OR2T33: variants seen among roughly 807,000 people sequenced by gnomAD.
The protein encoded by OR2T33 is olfactory receptor 2T33.
In OR2T33, 10 loss-of-function variants were observed where a neutral mutation model predicts 14.0. The observed-to-expected ratio is 0.72, with a 90% CI of 0.44 to 1.22. The LOEUF (loss-of-function observed/expected upper bound fraction) is 1.22. Ranked by LOEUF, OR2T33 falls within the 50% of genes most tolerant of loss-of-function variation. OR2T33 has a pLI of 0.00. For missense variants in OR2T33, 276 were observed against 405.9 expected (o/e 0.68, Z 2.75); for synonymous variants, 103 against 159.4 (o/e 0.65, Z 2.66).
At position 248,271,171 on chromosome 1, in the gene OR2T33, C is replaced by T. The variant is rs569989691; in HGVS notation, c.*1681G>A. ...TCTCCTGTATATTAGGCTTAATTTT[C>T]TGGTTAGAATATTTTATCCTTACAA... On this transcript the variant is annotated 3_prime_UTR_variant, in exon 2 of 2. Transcript: ENST00000641220. The T allele has an allele frequency of 5.9e-5, 9 of 152,208 alleles. No homozygotes were observed. Among genetic ancestry groups the T allele is most frequent in the Admixed American group, 3.3e-4 (5 of 15,278 alleles). 9.4% of individuals were successfully genotyped at this position (152,208 alleles called of 1,614,324 possible).
intron 1 of OR2T33, among the ~76,000 whole-genome samples, chr1:248,274,248 C>G (rs1334383320): frequency 1.3e-5 from 2 of 152,012 alleles, no homozygotes; most frequent in Non-Finnish European, 2.9e-5. Context: ...TTTTGGAAAC[C>G]CAAACATATT....
chr1:248,277,898 G>C lies in OR2T33; in HGVS notation c.-142C>G, dbSNP rs12062562. ...TGCCTCTGGTCTCATGCTCTATTTAGTTAAAAATCCTATGTGGTCACTGAA... is the reference window on the plus strand; with the variant it reads ...TGCCTCTGGTCTCATGCTCTATTTACTTAAAAATCCTATGTGGTCACTGAA... On this transcript the variant is annotated 5_prime_UTR_variant, in exon 1 of 2. Coordinates refer to ENST00000641220, the MANE Select transcript of OR2T33 (RefSeq NM_001004695.2). 6.6e-6 allele frequency: 1 copy of C among 152,034 alleles called. No individual in the cohort carries two copies. Among genetic ancestry groups the C allele is most frequent in the Non-Finnish European group, 1.5e-5 (1 of 67,992 alleles). 9.4% of individuals were successfully genotyped at this position (152,034 alleles called of 1,614,324 possible).
At chr1:248,275,234 A>G (rs1438965612) in intron 1 of OR2T33, among the ~76,000 whole-genome samples, 2 of 152,214 alleles carry the variant, frequency 1.3e-5, no homozygotes, top group Non-Finnish European at 2.9e-5. Flanking sequence ...GAGCATTCAG[A>G]TGTGAGCAGA....
Position 248,273,787 on chromosome 1 carries a change from A to C in OR2T33, c.28T>G (p.Phe10Val). The C allele has an allele frequency of 6.2e-7, 1 of 1,612,242 alleles. No individual in the cohort carries two copies. The highest frequency in any genetic ancestry group is 8.5e-7 in the Non-Finnish European group (1 of 1,178,622). Reference sequence around the variant, plus strand: ...TGGTTAAAGAGTCCTAGGAGAATAAAATCTGGGGTAGTATTTCTCATCTCC... The same window carrying C: ...TGGTTAAAGAGTCCTAGGAGAATAACATCTGGGGTAGTATTTCTCATCTCC... MEMRNTTPD[F>V]ILLGLFNHTR... Residue 10 changes from phenylalanine to valine, a missense_variant, in exon 2 of 2, where the codon TTT (phenylalanine) becomes GTT (valine). By Grantham distance (50) the Phe-to-Val change is conservative. Transcript: ENST00000641220.
chr1:248,272,746 A>T lies in OR2T33; in HGVS notation c.*106T>A. The T allele has an allele frequency of 7.2e-7, 1 of 1,386,534 alleles. No homozygotes were observed. The highest frequency in any genetic ancestry group is 1.4e-5 in the African/African-American group (1 of 69,094). The allele number at this position is 1,386,534 out of a possible 1,614,324, so 85.9% of individuals were successfully genotyped here. ...TTAATTCTTAAAAATATCCTATTAT[A>T]TCAATGCAAAAACTTAATTTTCTCT... On this transcript the variant is annotated 3_prime_UTR_variant, in exon 2 of 2. Transcript: ENST00000641220.
chr1:248,270,905 G>A lies in OR2T33; in HGVS notation c.*1947C>T, dbSNP rs1202993399. ...TACAGATGTTTGACAAAATACTTTT[G>A]TCCAGAATAAATAAAAAATTTAAAA... is the stretch of plus-strand genomic sequence containing the variant. On this transcript the variant is annotated 3_prime_UTR_variant, in exon 2 of 2. Transcript: ENST00000641220. 1.3e-5 allele frequency: 2 copies of A among 151,956 alleles called. No individual in the cohort carries two copies. Among genetic ancestry groups the A allele is most frequent in the African/African-American group, 4.8e-5 (2 of 41,374 alleles). The allele number at this position is 151,956 out of a possible 1,614,324, so 9.4% of individuals were successfully genotyped here. A position where few individuals can be genotyped will look rare whatever the true frequency, so the allele number is the denominator to read the frequency against.
chr1:248,276,062 G>A (rs967892168), intron 1 of OR2T33, among the ~76,000 whole-genome samples: 2 of 152,132 alleles, frequency 1.3e-5, no homozygotes, highest in African/African-American at 2.4e-5. Flanking sequence ...GTTTCGGGAT[G>A]ATACTGTTTC....
rs569759805 is a variant in OR2T33, at chr1:248,272,612, C to T, written c.*240G>A. 6.6e-5 allele frequency: 33 copies of T among 501,336 alleles called. No homozygotes were observed. Among genetic ancestry groups the T allele is most frequent in the African/African-American group, 6.1e-4 (32 of 52,294 alleles). The allele number at this position is 501,336 out of a possible 1,614,324, so 31.1% of individuals were successfully genotyped here. A position where few individuals can be genotyped will look rare whatever the true frequency, so the allele number is the denominator to read the frequency against. ...AAAGTAGGAGATATTGTCAACAGTA[C>T]TTATATCATGGGGTTGTTGTAGGAT... On this transcript the variant is annotated 3_prime_UTR_variant, in exon 2 of 2. Coordinates refer to ENST00000641220, the MANE Select transcript of OR2T33 (RefSeq NM_001004695.2).
At chr1:248,275,635 C>T (rs558807020) in intron 1 of OR2T33, among the ~76,000 whole-genome samples, 2 of 151,794 alleles carry the variant, frequency 1.3e-5, no homozygotes, top group Non-Finnish European at 2.9e-5. Flanking sequence ...CACCATCGCG[C>T]GTGTATACCT....
Position 248,271,960 on chromosome 1 carries a change from A to G in OR2T33, c.*892T>C, listed in dbSNP as rs1162297493. On this transcript the variant is annotated 3_prime_UTR_variant, in exon 2 of 2. Coordinates refer to ENST00000641220, the MANE Select transcript of OR2T33 (RefSeq NM_001004695.2). ...TTTAGAAGGTGTCCCAAATTTTTCA[A>G]CAGAAATACCTCTAATTACCTATGT... is the stretch of plus-strand genomic sequence containing the variant. 1 of 152,140 alleles carries G rather than the reference A, an allele frequency of 6.6e-6. No individual in the cohort carries two copies. The highest frequency in any genetic ancestry group is 2.4e-5 in the African/African-American group (1 of 41,436). The allele number at this position is 152,140 out of a possible 1,614,324, so 9.4% of individuals were successfully genotyped here. A position where few individuals can be genotyped will look rare whatever the true frequency, so the allele number is the denominator to read the frequency against.
rs1356143904 is a variant in OR2T33 at position 248,269,950 on chromosome 1, C to T, written c.*2902G>A. ...TACCCAAGGATTATAAATCATGCTG[C>T]TATAAAGACACATGCACACATATGT... is the stretch of plus-strand genomic sequence containing the variant. On this transcript the variant is annotated 3_prime_UTR_variant, in exon 2 of 2. Coordinates refer to ENST00000641220, the MANE Select transcript of OR2T33 (RefSeq NM_001004695.2). 6.6e-6 allele frequency: 1 copy of T among 152,158 alleles called. No homozygotes were observed. Among genetic ancestry groups the T allele is most frequent in the African/African-American group, 2.4e-5 (1 of 41,416 alleles). The allele number at this position is 152,158 out of a possible 1,614,324, so 9.4% of individuals were successfully genotyped here.
Position 248,270,220 on chromosome 1 carries a change from G to T in OR2T33, c.*2632C>A, listed in dbSNP as rs1659351769. The T allele has an allele frequency of 6.6e-6, 1 of 152,104 alleles. No individual in the cohort carries two copies. The highest frequency in any genetic ancestry group is 1.5e-5 in the Non-Finnish European group (1 of 68,034). The allele number at this position is 152,104 out of a possible 1,614,324, so 9.4% of individuals were successfully genotyped here. A position where few individuals can be genotyped will look rare whatever the true frequency, so the allele number is the denominator to read the frequency against. On this transcript the variant is annotated 3_prime_UTR_variant, in exon 2 of 2. Transcript: ENST00000641220. The stretch of plus-strand genomic sequence containing the variant: ...CACTCATAGGTGGGAATTGAACAAT[G>T]AGAACACTTGGACACAGAAAGGGGA...
intron 1 of OR2T33, among the ~76,000 whole-genome samples, chr1:248,276,858 T>C (rs1192660490): frequency 6.6e-6 from 1 of 151,984 alleles, no homozygotes; most frequent in Non-Finnish European, 1.5e-5. Context: ...TTTTACTAAT[T>C]ACCATCCAAT....
At chr1:248,274,175 G>A (rs949832277) in intron 1 of OR2T33, among the ~76,000 whole-genome samples, 1 of 152,080 alleles carries the variant, frequency 6.6e-6, no homozygotes, top group African/African-American at 2.4e-5. Context: ...ATGGAAAAAG[G>A]AAGGAAACAC....
chr1:248,274,248 C>T (rs1334383320), intron 1 of OR2T33, among the ~76,000 whole-genome samples: 1 of 152,012 alleles, frequency 6.6e-6, no homozygotes, highest in Non-Finnish European at 1.5e-5. Context: ...TTTTGGAAAC[C>T]CAAACATATT....
intron 1 of OR2T33, among the ~76,000 whole-genome samples, chr1:248,276,322 A>C (rs1236530387): frequency 6.6e-6 from 1 of 152,208 alleles, no homozygotes; most frequent in African/African-American, 2.4e-5. Context: ...TGATTTTTGC[A>C]TATAACAGAG....
chr1:248,273,453 T>C lies in OR2T33; in HGVS notation c.362A>G (p.Tyr121Cys), dbSNP rs771623840. ...TCGGAGTGGGTGGCAGACAGCCGCA[T>C]AGCGGTCATAGGCCATGGCTGCTAA... The part of the protein sequence containing the change: ...FLLAAMAYDR[Y>C]AAVCHPLRYP... The change falls in exon 2 of 2, where the codon TAT becomes TGT. Residue 121 changes from tyrosine to cysteine, a missense_variant. By Grantham distance (194) the Tyr-to-Cys change is radical. Coordinates refer to ENST00000641220, the MANE Select transcript of OR2T33 (RefSeq NM_001004695.2). 2 of 1,612,654 alleles carry C rather than the reference T, an allele frequency of 1.2e-6. No homozygotes were observed. Among genetic ancestry groups the C allele is most frequent in the South Asian group, 2.2e-5 (2 of 91,000 alleles).
rs1659348377 is a variant in OR2T33, at chr1:248,269,966, A to G, written c.*2886T>C. ...ATCATGCTGCTATAAAGACACATGC[A>G]CACATATGTTTATTGAGGCAGTATT... On this transcript the variant is annotated 3_prime_UTR_variant, in exon 2 of 2. Transcript: ENST00000641220. The G allele has an allele frequency of 6.6e-6, 1 of 152,214 alleles. No homozygotes were observed. Among genetic ancestry groups the G allele is most frequent in the Admixed American group, 6.5e-5 (1 of 15,272 alleles). The allele number at this position is 152,214 out of a possible 1,614,324, so 9.4% of individuals were successfully genotyped here.
rs1659363265 is a variant in OR2T33 at position 248,270,968 on chromosome 1, A to C, written c.*1884T>G. The stretch of plus-strand genomic sequence containing the variant: ...AATAAAAACAAAAACATTTTGGCCA[A>C]AGATATAAAGATACTCTTCTTAAAA... On this transcript the variant is annotated 3_prime_UTR_variant, in exon 2 of 2. Coordinates refer to ENST00000641220, the MANE Select transcript of OR2T33 (RefSeq NM_001004695.2). 1 of 152,172 alleles carries C rather than the reference A, an allele frequency of 6.6e-6. No homozygotes were observed. Among genetic ancestry groups the C allele is most frequent in the Non-Finnish European group, 1.5e-5 (1 of 68,032 alleles). 9.4% of individuals were successfully genotyped at this position (152,172 alleles called of 1,614,324 possible). A position where few individuals can be genotyped will look rare whatever the true frequency, so the allele number is the denominator to read the frequency against.
Sources: gnomAD v4.1 joint callset for allele counts (sites outside exome capture counted in the v4.1 genomes callset) on GRCh38, gnomAD v4.1.1 for gene constraint, MANE v1.5 for transcripts, NCBI Gene and HGNC (gene_info 2026-07-23, HGNC 2026-07-21) for gene names.